Variants in KLF5 observed in about 807,000 individuals in gnomAD.
KLF5 encodes the protein KLF transcription factor 5, also known as Krueppel-like factor 5.
KLF5 carries 9 observed loss-of-function variants against 36.9 expected under a neutral mutation model. That is an observed-to-expected ratio of 0.24 (90% confidence interval 0.15 to 0.43). The LOEUF is 0.43. KLF5 is among the 20% of genes least tolerant of loss of function. The pLI is 1.00. For synonymous variants in KLF5, 246 were observed against 241.7 expected, an observed-to-expected ratio of 1.02 and a Z score of -0.17; for missense variants, 524 against 599.5, an observed-to-expected ratio of 0.87 and a Z score of 1.31.
At chr13:73,065,718 G>GC (rs746132072) in intron 3 of KLF5, among the ~76,000 whole-genome samples, 30 of 152,080 alleles carry the variant, frequency 2.0e-4, no homozygotes, top group Non-Finnish European at 3.8e-4. Context: ...TTGAACTATT[G>GC]TTTTTTTCAC....
chr13:73,066,932 T>C (rs1274529840), intron 3 of KLF5, among the ~76,000 whole-genome samples: 2 of 152,230 alleles, frequency 1.3e-5, no homozygotes, highest in Non-Finnish European at 2.9e-5. Flanking sequence ...TATATTTTAT[T>C]TATATCTGTA....
At chr13:73,072,622 G>T (rs1222431736) in intron 3 of KLF5, among the ~76,000 whole-genome samples, 2 of 152,228 alleles carry the variant, frequency 1.3e-5, no homozygotes, top group African/African-American at 4.8e-5. Flanking sequence ...GGCAGACCAG[G>T]ATTCTTAATG....
At chr13:73,071,803 T>G (rs1319497568) in intron 3 of KLF5, among the ~76,000 whole-genome samples, 2 of 152,186 alleles carry the variant, frequency 1.3e-5, no homozygotes, top group Non-Finnish European at 2.9e-5. Flanking sequence ...GTTGAAATAA[T>G]TTATTCTACT....
chr13:73,075,602 T>C, intron 3 of KLF5, 106 bp from the exon 4 acceptor site: 1 of 954,318 alleles, frequency 1.0e-6, no homozygotes, highest in Admixed American at 2.3e-5. Context: ...CTTTCCTTCT[T>C]TCGCTTGGCC....
chr13:73,062,471 A>C lies in KLF5; in HGVS notation c.872A>C (p.Gln291Pro), dbSNP rs2044644680. 6.2e-7 allele frequency: 1 copy of C among 1,614,200 alleles called. No individual in the cohort carries two copies. Among genetic ancestry groups the C allele is most frequent in the Non-Finnish European group, 8.5e-7 (1 of 1,180,026 alleles). ...MPPCTYTMPS[Q>P]FLPQQATYFP... is the part of the protein sequence containing the mutation. ...CCTTGCACATACACAATGCCAAGTC[A>C]GTTTCTTCCACAACAGGCCACTTAC... Residue 291 changes from glutamine to proline, a missense_variant, in exon 2 of 4, where the codon CAG becomes CCG. Physicochemically the swap from Gln to Pro is moderately conservative, Grantham distance 76. Around this residue, in one of 4 missense-constraint regions of KLF5, gnomAD observed 454 missense variants for 458.1 expected, o/e 0.99. Coordinates refer to ENST00000377687, the MANE Select transcript of KLF5 (RefSeq NM_001730.5).
chr13:73,062,866 C>G, intron 2 of KLF5, 132 bp downstream of exon 2: 1 of 661,882 alleles, frequency 1.5e-6, no homozygotes, highest in Admixed American at 2.7e-5. Context: ...GAAAGTTGTA[C>G]TTGACAGTAA....
intron 3 of KLF5, chr13:73,074,866 G>A (rs1400435207): frequency 6.6e-6 from 1 of 152,196 alleles, no homozygotes; most frequent in Non-Finnish European, 1.5e-5. Context: ...TGTATCACAA[G>A]TATTTGGGAC....
At chr13:73,071,717 A>C (rs772729494) in intron 3 of KLF5, among the ~76,000 whole-genome samples, 4 of 152,212 alleles carry the variant, frequency 2.6e-5, no homozygotes, top group African/African-American at 9.6e-5. Flanking sequence ...ATTGAATTGC[A>C]TGAAAATATT....
At chr13:73,067,922 C>T (rs1004117979) in intron 3 of KLF5, among the ~76,000 whole-genome samples, 2 of 151,448 alleles carry the variant, frequency 1.3e-5, no homozygotes, top group Non-Finnish European at 2.9e-5. Flanking sequence ...CTCACTGCAA[C>T]CTCCACCTCC....
intron 3 of KLF5, among the ~76,000 whole-genome samples, chr13:73,066,881 A>C (rs147197239): frequency 1.3e-4 from 20 of 152,332 alleles, no homozygotes; most frequent in Admixed American, 4.6e-4. Flanking sequence ...TTGTGTGATT[A>C]GACAATACTG....
intron 3 of KLF5, among the ~76,000 whole-genome samples, chr13:73,070,947 T>C (rs1183179607): frequency 6.6e-6 from 1 of 152,242 alleles, no homozygotes; most frequent in Non-Finnish European, 1.5e-5. Context: ...AATAAAAAGC[T>C]GACAGCCTCA....
chr13:73,066,982 A>G (rs183863175), intron 3 of KLF5, among the ~76,000 whole-genome samples: 2 of 152,196 alleles, frequency 1.3e-5, no homozygotes, highest in Admixed American at 1.3e-4. Flanking sequence ...AGCACCCCTT[A>G]TAGATGTGGA....
upstream of KLF5, among the ~76,000 whole-genome samples, chr13:73,058,066 C>T (rs2044595055): frequency 6.6e-6 from 1 of 152,170 alleles, no homozygotes; most frequent in African/African-American, 2.4e-5. Context: ...GGTAAATGTG[C>T]TAGGTTTCTG....
rs150761263 is a variant in KLF5 at position 73,060,823 on chromosome 13, T to C, written c.262-1038T>C. On this transcript the variant is annotated intron_variant, in intron 1 of 3. Coordinates refer to ENST00000377687, the MANE Select transcript of KLF5 (RefSeq NM_001730.5). ...TGTTAAAAAATGTAGGCTTAAGTTA[T>C]ACTAGGAGAGAAGATAGCTGGAAAA... is the stretch of plus-strand genomic sequence containing the variant. Among the ~76,000 whole-genome samples, 621 of 152,336 alleles carry C rather than the reference T, an allele frequency of 4.1e-3. 7 individuals carry two copies. Among genetic ancestry groups the C allele is most frequent in the Non-Finnish European group, 7.1e-3 (483 of 68,030 alleles).
Position 73,062,653 on chromosome 13 carries a change from C to G in KLF5, c.1054C>G (p.Gln352Glu). 1 of 1,614,176 alleles carries G rather than the reference C, an allele frequency of 6.2e-7. No homozygotes were observed. The highest frequency in any genetic ancestry group is 1.3e-5 in the African/African-American group (1 of 75,044). The change falls in exon 2 of 4, where the codon CAA becomes GAA. Residue 352 changes from glutamine to glutamate, a missense_variant. This residue lies in a region of KLF5 where 454 missense variants were observed against 458.1 expected (regional missense o/e 0.99). Transcript: ENST00000377687. ...NLPTTLPVNSQNIQPVRYNRR... is the reference protein window; with the variant it reads ...NLPTTLPVNSENIQPVRYNRR... ...ACCCACCACCCTGCCAGTTAACTCACAAAACATCCAACCTGTCAGATACAA... is the reference window on the plus strand; with the variant it reads ...ACCCACCACCCTGCCAGTTAACTCAGAAAACATCCAACCTGTCAGATACAA...
At chr13:73,068,843 C>T (rs1000892376) in intron 3 of KLF5, among the ~76,000 whole-genome samples, 1 of 151,448 alleles carries the variant, frequency 6.6e-6, no homozygotes, top group African/African-American at 2.4e-5. Context: ...CGCCTGTAAT[C>T]CCAGCTCTTT....
intron 1 of KLF5, 186 bp downstream of exon 1, chr13:73,059,774 T>TG (rs11335137): frequency 0.19 from 71,076 of 377,854 alleles, 3,580 homozygotes; most frequent in Non-Finnish European, 0.2. Context: ...TGAGAGTAAA[T>TG]GGGGGGGGGG....
chr13:73,065,999 C>G (rs183773854), intron 3 of KLF5, among the ~76,000 whole-genome samples: 26 of 152,156 alleles, frequency 1.7e-4, no homozygotes, highest in Non-Finnish European at 2.2e-4. Flanking sequence ...AAAAGAAGAC[C>G]GAGACCTGGT....
At position 73,062,392 on chromosome 13, in the gene KLF5, A is replaced by G; in HGVS notation, c.793A>G (p.Thr265Ala). 1 of 1,614,092 alleles carries G rather than the reference A, an allele frequency of 6.2e-7. No individual in the cohort carries two copies. The highest frequency in any genetic ancestry group is 1.1e-5 in the South Asian group (1 of 91,072). ...GTCAGCTGCCATGGCAGGCCTTAAC[A>G]CACACACCTCTGCTGTTCCGCAGAC... is the stretch of plus-strand genomic sequence containing the variant. ...SMSAAMAGLN[T>A]HTSAVPQTAV... The change falls in exon 2 of 4, where the codon ACA (threonine) becomes GCA (alanine). Residue 265 changes from threonine (T) to alanine (A), a missense_variant. Coordinates refer to ENST00000377687, the MANE Select transcript of KLF5 (RefSeq NM_001730.5).
Sources: allele counts gnomAD v4.1 joint callset (sites outside exome capture counted in the v4.1 genomes callset), GRCh38; gene constraint gnomAD v4.1.1; regional missense constraint gnomAD v4.1.1; transcripts MANE v1.5; gene names NCBI Gene and HGNC (gene_info 2026-07-23, HGNC 2026-07-21).